EPB41L2: variants seen among roughly 807,000 people sequenced by gnomAD.
EPB41L2 encodes erythrocyte membrane protein band 4.1 like 2.
Under a neutral mutation model 113.0 loss-of-function variants are expected in EPB41L2, and 43 were observed. The ratio of observed to expected loss-of-function variants is 0.38; its 90% CI spans 0.30 to 0.49. The LOEUF is 0.49. Among genes scored for constraint, EPB41L2 ranks in the 20% least tolerant of loss-of-function variants. The pLI is 0.95. For synonymous variants in EPB41L2, 442 were observed against 436.7 expected (o/e 1.01, Z -0.15); for missense variants, 1,147 against 1,223.4 (o/e 0.94, Z 0.93).
chr6:130,886,790 C>T (rs1391010610), intron 11 of EPB41L2, among the ~76,000 whole-genome samples: 4 of 152,176 alleles, frequency 2.6e-5, no homozygotes, highest in Admixed American at 1.3e-4. Flanking sequence ...CGCGCCACCA[C>T]GCCTGGCTAA....
intron 8 of EPB41L2, 43 bp downstream of exon 8, chr6:130,899,448 C>A (rs372368089): frequency 7.8e-5 from 120 of 1,543,566 alleles, no homozygotes; most frequent in Admixed American, 3.4e-5. Flanking sequence ...AAACCTCAGT[C>A]AACAGACTAC....
chr6:130,973,272 C>CT (rs35363035), intron 1 of EPB41L2, among the ~76,000 whole-genome samples: 8 of 149,300 alleles, frequency 5.4e-5, no homozygotes, highest in Non-Finnish European at 7.4e-5. Flanking sequence ...AGACACAAAA[C>CT]TTTTTTTTTT....
chr6:130,895,126 A>G lies in EPB41L2; in HGVS notation c.1237-7T>C, dbSNP rs1321974851. On this transcript the variant is annotated splice_polypyrimidine_tract_variant and splice_region_variant and intron_variant, in intron 8 of 19. Coordinates refer to ENST00000337057, the MANE Select transcript of EPB41L2 (RefSeq NM_001431.4). ...TGTCCACACCTTCTGAGTCCTGCCA[A>G]GCATAACCCAATTAACCATGGTTAA... The G allele has an allele frequency of 1.9e-6, 3 of 1,601,108 alleles. No individual in the cohort carries two copies. In the African/African-American group the frequency reaches 4.0e-5, roughly 21 times the overall value.
chr6:130,855,335 A>G (rs1779890730), intron 19 of EPB41L2, among the ~76,000 whole-genome samples: 1 of 152,212 alleles, frequency 6.6e-6, no homozygotes, highest in Admixed American at 6.5e-5. Context: ...TGGGCGACAG[A>G]GCGAGACTCC....
At chr6:130,849,706 T>C (rs937151650) in intron 19 of EPB41L2, among the ~76,000 whole-genome samples, 1 of 152,198 alleles carries the variant, frequency 6.6e-6, no homozygotes, top group Non-Finnish European at 1.5e-5. Context: ...GTAGCATATG[T>C]ATGCATGTAT....
chr6:130,857,534 C>T (rs1780635959), intron 19 of EPB41L2, among the ~76,000 whole-genome samples: 1 of 135,436 alleles, frequency 7.4e-6, no homozygotes, highest in African/African-American at 2.7e-5. Context: ...CTTTCTGGTT[C>T]ATTCTCAGAT....
intron 15 of EPB41L2, chr6:130,868,175 C>T (rs1443969398): frequency 6.5e-6 from 1 of 154,328 alleles, no homozygotes; most frequent in African/African-American, 2.4e-5. Context: ...GTTCTTCTGC[C>T]CACAATACCT....
chr6:130,865,547 G>A lies in EPB41L2; in HGVS notation c.2818C>T (p.His940Tyr). 1 of 1,614,146 alleles carries A rather than the reference G, an allele frequency of 6.2e-7. No homozygotes were observed. The highest frequency in any genetic ancestry group is 1.1e-5 in the South Asian group (1 of 91,084). The change falls in exon 17 of 20, where the codon CAC (histidine) becomes TAC (tyrosine). Residue 940 changes from histidine to tyrosine, a missense_variant. His to Tyr is a moderately conservative substitution (Grantham distance 83). Transcript: ENST00000337057. ...CTGCATTGCTTTACCTTGGTGATGT[G>A]TGTGGTTGTCGTTGTTGACACGGAC... ...SESVSTTTTT[H>Y]ITKTVKGGIS...
rs147718725 is a variant in EPB41L2, at chr6:130,952,610, C to T, written c.705+2495G>A. Reference sequence around the variant, plus strand: ...TGGGCGGATCACGAGGTCAGGTGATCGAGACCATCCTGGCCATGGTGGAAC... The same window carrying T: ...TGGGCGGATCACGAGGTCAGGTGATTGAGACCATCCTGGCCATGGTGGAAC... On this transcript the variant is annotated intron_variant, in intron 3 of 19. Transcript: ENST00000337057. Among the ~76,000 whole-genome samples the T allele has an allele frequency of 1.0e-3, 158 of 152,166 alleles. 1 individual carries two copies. The highest frequency in any genetic ancestry group is 3.6e-3 in the African/African-American group (150 of 41,540).
chr6:131,054,018 T>C (rs992589762), intron 1 of EPB41L2, among the ~76,000 whole-genome samples: 5 of 152,186 alleles, frequency 3.3e-5, no homozygotes, highest in Non-Finnish European at 7.4e-5. Flanking sequence ...CCTGTGTGGT[T>C]TTCTTGATCT....
intron 1 of EPB41L2, among the ~76,000 whole-genome samples, chr6:130,990,770 G>A (rs924793139): frequency 3.3e-5 from 5 of 151,960 alleles, no homozygotes; most frequent in Non-Finnish European, 7.4e-5. Context: ...ATACTATGCC[G>A]AGGACATATA....
In EPB41L2 at chr6:130,904,327, C is replaced by G. The variant is rs569454149; in HGVS notation, c.929+138G>C. On this transcript the variant is annotated intron_variant, in intron 6 of 19. Coordinates refer to ENST00000337057, the MANE Select transcript of EPB41L2 (RefSeq NM_001431.4). ...AACATTTCAAACTATTTGGATGTAC[C>G]CATTTTCAAGGAAACTTCTAAAACT... 15 of 476,774 alleles carry G rather than the reference C, an allele frequency of 3.1e-5. No individual in the cohort carries two copies. In the East Asian group the frequency reaches 4.6e-4, roughly 15 times the overall value. The allele number at this position is 476,774 out of a possible 1,614,324, so 29.5% of individuals were successfully genotyped here. A position where few individuals can be genotyped will look rare whatever the true frequency, so the allele number is the denominator to read the frequency against.
chr6:131,046,885 T>A (rs1795567964), intron 1 of EPB41L2, among the ~76,000 whole-genome samples: 1 of 152,158 alleles, frequency 6.6e-6, no homozygotes, highest in African/African-American at 2.4e-5. Context: ...AATGCAATAG[T>A]GTAGTATTGG....
chr6:130,904,113 T>C lies in EPB41L2; in HGVS notation c.929+352A>G, dbSNP rs148519943. ...TATCATCTTTGTAATATGAGACTAG[T>C]ATATAAGCACACATGAGTTATATAC... On this transcript the variant is annotated intron_variant, in intron 6 of 19. Transcript: ENST00000337057. Among the ~76,000 whole-genome samples, 414 of 152,326 alleles carry C rather than the reference T, an allele frequency of 2.7e-3. 3 individuals are homozygous for C. The highest frequency in any genetic ancestry group is 6.8e-3 in the Middle Eastern group (2 of 294).
intron 4 of EPB41L2, among the ~76,000 whole-genome samples, chr6:130,922,519 C>T (rs973555504): frequency 6.6e-6 from 1 of 152,066 alleles, no homozygotes; most frequent in African/African-American, 2.4e-5. Context: ...CAGTTTTTTG[C>T]CTGAATTTGA....
chr6:131,001,958 A>C (rs1784450801), intron 1 of EPB41L2, among the ~76,000 whole-genome samples: 1 of 152,228 alleles, frequency 6.6e-6, no homozygotes, highest in Non-Finnish European at 1.5e-5. Context: ...ATTTCCAAGC[A>C]AAACAAAAAC....
Position 130,880,578 on chromosome 6 carries a change from A to C in EPB41L2, c.1834-372T>G, listed in dbSNP as rs1055789784. On this transcript the variant is annotated intron_variant, in intron 12 of 19. Coordinates refer to ENST00000337057, the MANE Select transcript of EPB41L2 (RefSeq NM_001431.4). Reference sequence around the variant, plus strand: ...TGCAAAGAAGCTGTATTTGAACTTAAATGGTGAACCAGTGTTACCAACCTT... The same window carrying C: ...TGCAAAGAAGCTGTATTTGAACTTACATGGTGAACCAGTGTTACCAACCTT... 4 of 541,286 alleles carry C rather than the reference A, an allele frequency of 7.4e-6. No individual in the cohort carries two copies. The African/African-American group carries it at 7.6e-5, about 10-fold the overall frequency. The allele number at this position is 541,286 out of a possible 1,614,324, so 33.5% of individuals were successfully genotyped here. A position where few individuals can be genotyped will look rare whatever the true frequency, so the allele number is the denominator to read the frequency against.
chr6:130,922,599 T>A (rs561133195), intron 4 of EPB41L2, among the ~76,000 whole-genome samples: 33 of 152,302 alleles, frequency 2.2e-4, no homozygotes, highest in Non-Finnish European at 4.3e-4. Context: ...TGCCTCAAAT[T>A]TCTGCATCTA....
chr6:130,945,361 A>C (rs568776055), intron 3 of EPB41L2, among the ~76,000 whole-genome samples: 6 of 152,330 alleles, frequency 3.9e-5, no homozygotes, highest in East Asian at 3.9e-4. Flanking sequence ...AGACCTCGAC[A>C]CATTCTGCTC....
Sources: gnomAD v4.1 joint callset for allele counts (sites outside exome capture counted in the v4.1 genomes callset) on GRCh38, gnomAD v4.1.1 for gene constraint, MANE v1.5 for transcripts, NCBI Gene and HGNC (gene_info 2026-07-23, HGNC 2026-07-21) for gene names.